CSRNP3: variants seen among roughly 807,000 people sequenced by gnomAD.
CSRNP3 encodes cysteine and serine rich nuclear protein 3.
A neutral mutation model predicts 48.0 loss-of-function variants in CSRNP3; 12 were observed. The ratio of observed to expected loss-of-function variants is 0.25; its 90% CI spans 0.16 to 0.41. CSRNP3 has a LOEUF of 0.41. Ranked by LOEUF, CSRNP3 falls within the 10% of genes least tolerant of loss-of-function variation. The pLI, the probability that CSRNP3 is intolerant of heterozygous loss-of-function variation, is 1.00. For synonymous variants in CSRNP3, 263 were observed against 269.7 expected, an observed-to-expected ratio of 0.98 and a Z score of 0.24; for missense variants, 580 against 724.4, an observed-to-expected ratio of 0.80 and a Z score of 2.29.
intron 3 of CSRNP3, among the ~76,000 whole-genome samples, chr2:165,570,437 C>T (rs927951625): frequency 3.3e-5 from 5 of 151,892 alleles, no homozygotes; most frequent in African/African-American, 1.2e-4. Context: ...TGCATATATA[C>T]ACACAAATTT....
chr2:165,507,378 T>G (rs1338799205), intron 2 of CSRNP3, among the ~76,000 whole-genome samples: 1 of 152,124 alleles, frequency 6.6e-6, no homozygotes, highest in Non-Finnish European at 1.5e-5. Flanking sequence ...AACCTAAGCA[T>G]CTTTTATTAC....
At chr2:165,566,096 A>C (rs1685293297) in intron 3 of CSRNP3, among the ~76,000 whole-genome samples, 1 of 151,956 alleles carries the variant, frequency 6.6e-6, no homozygotes, top group African/African-American at 2.4e-5. Context: ...CTCCTGAGTT[A>C]TTTAATAAAA....
intron 4 of CSRNP3, among the ~76,000 whole-genome samples, chr2:165,609,099 T>TC (rs1261544088): frequency 2.1e-5 from 3 of 145,658 alleles, no homozygotes; most frequent in Non-Finnish European, 4.5e-5. Flanking sequence ...AGAGCAAGAC[T>TC]CCGTCTCAAG....
intron 3 of CSRNP3, chr2:165,567,104 T>C (rs1311197593): frequency 6.6e-6 from 1 of 152,118 alleles, no homozygotes; most frequent in African/African-American, 2.4e-5. Flanking sequence ...ATAGGATTGA[T>C]GGAAAAACCA....
chr2:165,631,996 G>A (rs1387738279), intron 4 of CSRNP3, among the ~76,000 whole-genome samples: 1 of 152,200 alleles, frequency 6.6e-6, no homozygotes, highest in Non-Finnish European at 1.5e-5. Context: ...TTAATATTTA[G>A]AGCATCAACC....
chr2:165,602,111 TG>T (rs1685925401), intron 4 of CSRNP3, among the ~76,000 whole-genome samples: 1 of 152,096 alleles, frequency 6.6e-6, no homozygotes, highest in African/African-American at 2.4e-5. Context: ...CCTGACTCAA[TG>T]CTTTTGTAAA....
chr2:165,543,571 ATTCTT>A (rs1684985402), intron 3 of CSRNP3, among the ~76,000 whole-genome samples: 1 of 152,110 alleles, frequency 6.6e-6, no homozygotes, highest in South Asian at 2.1e-4. Flanking sequence ...ATCAAACTAA[ATTCTT>A]TTCTTTTTTT....
At chr2:165,541,717 CA>C (rs1322821375) in intron 3 of CSRNP3, among the ~76,000 whole-genome samples, 1 of 152,104 alleles carries the variant, frequency 6.6e-6, no homozygotes, top group African/African-American at 2.4e-5. Context: ...ATGATCAGCT[CA>C]TTCCACTGTT....
intron 3 of CSRNP3, among the ~76,000 whole-genome samples, chr2:165,527,199 CT>C (rs535826285): frequency 0.15 from 12,648 of 87,184 alleles, 298 homozygotes; most frequent in East Asian, 0.25. Context: ...GCTGTTTGTA[CT>C]TTTTTTTTTT....
At chr2:165,612,133 A>G (rs1686147804) in intron 4 of CSRNP3, among the ~76,000 whole-genome samples, 1 of 152,104 alleles carries the variant, frequency 6.6e-6, no homozygotes, top group African/African-American at 2.4e-5. Flanking sequence ...TGCTATATAC[A>G]AAGATGTTCT....
chr2:165,565,226 T>G (rs954673924), intron 3 of CSRNP3, among the ~76,000 whole-genome samples: 1 of 152,138 alleles, frequency 6.6e-6, no homozygotes, highest in African/African-American at 2.4e-5. Context: ...CTTCTCTCTG[T>G]TCTTAATACC....
chr2:165,672,854 C>G (rs1476004761), intron 5 of CSRNP3, among the ~76,000 whole-genome samples: 1 of 152,074 alleles, frequency 6.6e-6, no homozygotes, highest in Non-Finnish European at 1.5e-5. Context: ...TGGGCACAGA[C>G]TGGAAGAAAA....
intron 4 of CSRNP3, among the ~76,000 whole-genome samples, chr2:165,625,363 A>G (rs1686412014): frequency 6.6e-6 from 1 of 152,014 alleles, no homozygotes; most frequent in African/African-American, 2.4e-5. Flanking sequence ...ACGGTGGCTC[A>G]TGCCTGTAAT....
intron 4 of CSRNP3, among the ~76,000 whole-genome samples, chr2:165,641,022 T>C (rs549020358): frequency 4.9e-4 from 74 of 152,174 alleles, no homozygotes; most frequent in Non-Finnish European, 9.1e-4. Flanking sequence ...TTGAAAACAA[T>C]CCATTTATCT....
At position 165,513,092 on chromosome 2, in the gene CSRNP3, A is replaced by C. The variant is rs1684529649; in HGVS notation, c.-112-4781A>C. 2.6e-5 allele frequency among the ~76,000 whole-genome samples: 4 copies of C among 152,242 alleles called. No individual in the cohort carries two copies. In the South Asian group the frequency reaches 8.3e-4, roughly 32 times the overall value. ...TGCACTCCAGCCTGAGTGACAGAGCAAGACTCTGTCTCAAAAAGAAAAAAA... is the reference window on the plus strand; with the variant it reads ...TGCACTCCAGCCTGAGTGACAGAGCCAGACTCTGTCTCAAAAAGAAAAAAA... On this transcript the variant is annotated intron_variant, in intron 2 of 6. Coordinates refer to ENST00000651982, the MANE Select transcript of CSRNP3 (RefSeq NM_001172173.2).
chr2:165,676,742 A>T, intron 6 of CSRNP3, 134 bp downstream of exon 6: 1 of 653,554 alleles, frequency 1.5e-6, no homozygotes. Context: ...CATGTAATTC[A>T]GGAAGAAAGA....
intron 4 of CSRNP3, among the ~76,000 whole-genome samples, chr2:165,596,396 C>A (rs1325662621): frequency 2.0e-5 from 3 of 151,914 alleles, no homozygotes; most frequent in African/African-American, 7.3e-5. Flanking sequence ...ATATATGATT[C>A]TATAACAAAG....
intron 3 of CSRNP3, 28 bp from the exon 4 acceptor site, chr2:165,595,015 T>A: frequency 6.3e-7 from 1 of 1,596,018 alleles, no homozygotes; most frequent in Non-Finnish European, 8.6e-7. Flanking sequence ...AATATTTCAA[T>A]GCTCTGTTGC....
At chr2:165,653,550 T>C (rs1686950484) in intron 4 of CSRNP3, among the ~76,000 whole-genome samples, 1 of 152,182 alleles carries the variant, frequency 6.6e-6, no homozygotes, top group South Asian at 2.1e-4. Flanking sequence ...TGGGAAAGCA[T>C]GATGCAATAG....
Sources: gnomAD v4.1 joint callset for allele counts (sites outside exome capture counted in the v4.1 genomes callset) on GRCh38, gnomAD v4.1.1 for gene constraint, MANE v1.5 for transcripts, NCBI Gene and HGNC (gene_info 2026-07-23, HGNC 2026-07-21) for gene names.